Variants in NEO1 observed in about 807,000 individuals in gnomAD.
NEO1 encodes the protein neogenin 1.
In NEO1, 63 loss-of-function variants were observed where a neutral mutation model predicts 159.7. The observed-to-expected ratio is 0.39, with a 90% CI of 0.32 to 0.49. The LOEUF is 0.49. NEO1 is among the 20% of genes least tolerant of loss of function. The probability of loss-of-function intolerance (pLI) is 0.85; values close to 1 mark genes in which losing one functional copy is unlikely to be tolerated. For synonymous variants in NEO1, 633 were observed against 662.0 expected (o/e 0.96, Z 0.67); for missense variants, 1,615 against 1,831.0 (o/e 0.88, Z 2.15).
In NEO1 at chr15:73,283,040, C is replaced by T. The variant is rs754629914; in HGVS notation, c.3339C>T (p.Gly1113=). The T allele has an allele frequency of 5.6e-6, 9 of 1,614,022 alleles. No homozygotes were observed. The highest frequency in any genetic ancestry group is 2.2e-5 in the South Asian group (2 of 91,084). The change falls in exon 23 of 29, where the codon GGC becomes GGT. Residue 1113 remains glycine (G), a synonymous_variant. Transcript: ENST00000261908. Reference sequence around the variant, plus strand: ...TGCTGGTCATAATTGTTTCTGTTGGCGTCATCACCATCGTGGTGGTTGTGA... The same window carrying T: ...TGCTGGTCATAATTGTTTCTGTTGGTGTCATCACCATCGTGGTGGTTGTGA... ...NMLLVIIVSV[G]VITIVVVVII...
At chr15:73,085,138 A>C (rs977593415) in intron 1 of NEO1, among the ~76,000 whole-genome samples, 3 of 152,046 alleles carry the variant, frequency 2.0e-5, no homozygotes, top group African/African-American at 7.2e-5. Flanking sequence ...AGCTTTTTGT[A>C]GTCAAGCCCT....
chr15:73,117,069 T>C (rs940526644), intron 2 of NEO1, among the ~76,000 whole-genome samples: 6 of 152,194 alleles, frequency 3.9e-5, no homozygotes, highest in African/African-American at 1.4e-4. Flanking sequence ...TTTCCACTTG[T>C]CTGATGGCTT....
At chr15:73,228,347 T>C (rs1455423182) in intron 7 of NEO1, among the ~76,000 whole-genome samples, 1 of 152,192 alleles carries the variant, frequency 6.6e-6, no homozygotes, top group Non-Finnish European at 1.5e-5. Flanking sequence ...GTCATTTTCA[T>C]GTGCTTATTC....
In NEO1 at chr15:73,238,934, C is replaced by T. The variant is rs13380322; in HGVS notation, c.1451+2428C>T. On this transcript the variant is annotated intron_variant, in intron 8 of 28. Transcript: ENST00000261908. Reference sequence around the variant, plus strand: ...CACTATATTGGCTCACTGCAGCCTCCGCTTCCCAGGTTCCAGCGATTCTCC... The same window carrying T: ...CACTATATTGGCTCACTGCAGCCTCTGCTTCCCAGGTTCCAGCGATTCTCC... Among the ~76,000 whole-genome samples, 1,316 of 152,162 alleles carry T rather than the reference C, an allele frequency of 8.6e-3. 23 individuals are homozygous for T. Among genetic ancestry groups the T allele is most frequent in the African/African-American group, 0.03 (1,239 of 41,498 alleles).
At chr15:73,058,755 AAGGTT>A (rs2067839519) in intron 1 of NEO1, among the ~76,000 whole-genome samples, 1 of 152,174 alleles carries the variant, frequency 6.6e-6, no homozygotes, top group African/African-American at 2.4e-5. Flanking sequence ...TGTTAACTGA[AAGGTT>A]AAGCTAATTA....
intron 1 of NEO1, among the ~76,000 whole-genome samples, chr15:73,059,900 T>C (rs769593507): frequency 1.3e-5 from 2 of 151,908 alleles, no homozygotes; most frequent in Admixed American, 6.6e-5. Flanking sequence ...ATCTGGAGAT[T>C]GATCATACTG....
intron 7 of NEO1, among the ~76,000 whole-genome samples, chr15:73,224,762 C>T (rs931248874): frequency 6.6e-6 from 1 of 152,112 alleles, no homozygotes; most frequent in Non-Finnish European, 1.5e-5. Context: ...TCTGGTGCCT[C>T]CCTGATTAAC....
intron 22 of NEO1, among the ~76,000 whole-genome samples, chr15:73,279,362 T>TTTTTTTTTTTTTTTTTTGA: frequency 6.9e-6 from 1 of 145,386 alleles, no homozygotes; most frequent in African/African-American, 2.5e-5. Flanking sequence ...TTTTTTTTTT[T>TTTTTTTTTTTTTTTTTTGA]TTTTGAGATG....
chr15:73,184,165 A>AT (rs202239238), intron 7 of NEO1, among the ~76,000 whole-genome samples: 1,667 of 151,960 alleles, frequency 0.011, 20 homozygotes, highest in East Asian at 0.047. Context: ...TAATTAATTA[A>AT]TTTTTTTGAG....
At chr15:73,085,154 C>G (rs2069285899) in intron 1 of NEO1, among the ~76,000 whole-genome samples, 1 of 152,076 alleles carries the variant, frequency 6.6e-6, no homozygotes, top group Non-Finnish European at 1.5e-5. Context: ...GCCCTCCCTC[C>G]ACTCCTAACT....
At chr15:73,275,993 G>A (rs1219514579) in intron 21 of NEO1, among the ~76,000 whole-genome samples, 3 of 152,194 alleles carry the variant, frequency 2.0e-5, no homozygotes, top group Non-Finnish European at 4.4e-5. Context: ...TTGGAAATGT[G>A]TTTGCATTCA....
At chr15:73,062,208 A>G (rs2068012611) in intron 1 of NEO1, among the ~76,000 whole-genome samples, 1 of 152,118 alleles carries the variant, frequency 6.6e-6, no homozygotes, top group Non-Finnish European at 1.5e-5. Context: ...TCTTTTTGCC[A>G]ATTTGATAGA....
At chr15:73,109,001 A>G (rs1215962112) in intron 1 of NEO1, among the ~76,000 whole-genome samples, 2 of 152,140 alleles carry the variant, frequency 1.3e-5, no homozygotes, top group African/African-American at 4.8e-5. Context: ...AGGCCATGGT[A>G]ATGAATTTGG....
chr15:73,097,304 T>A (rs1479464282), intron 1 of NEO1, among the ~76,000 whole-genome samples: 3 of 151,968 alleles, frequency 2.0e-5, no homozygotes, highest in Non-Finnish European at 4.4e-5. Context: ...TCTTTTAATT[T>A]CATTTTTCCA....
chr15:73,147,568 T>A (rs1299608626), intron 5 of NEO1, among the ~76,000 whole-genome samples: 1 of 152,156 alleles, frequency 6.6e-6, no homozygotes, highest in Admixed American at 6.5e-5. Context: ...TCTTCATTCT[T>A]TATTTAAAGA....
At chr15:73,062,174 A>C (rs935306967) in intron 1 of NEO1, among the ~76,000 whole-genome samples, 1 of 152,156 alleles carries the variant, frequency 6.6e-6, no homozygotes. Context: ...TTGCCAACAT[A>C]TTGGTTATTT....
chr15:73,273,450 T>C (rs1318565880), intron 19 of NEO1, among the ~76,000 whole-genome samples: 1 of 152,224 alleles, frequency 6.6e-6, no homozygotes, highest in Admixed American at 6.5e-5. Flanking sequence ...TACATTTTAC[T>C]TTGTCTTTTA....
At chr15:73,160,662 G>A (rs867172072) in intron 5 of NEO1, among the ~76,000 whole-genome samples, 2 of 152,178 alleles carry the variant, frequency 1.3e-5, no homozygotes, top group Middle Eastern at 3.4e-3. Context: ...AAATTTAACC[G>A]TTTATTATAA....
chr15:73,215,922 T>C (rs2037851630), intron 7 of NEO1, among the ~76,000 whole-genome samples: 1 of 152,122 alleles, frequency 6.6e-6, no homozygotes, highest in Non-Finnish European at 1.5e-5. Flanking sequence ...CTGGACATTT[T>C]TTTTGTTGGT....
Sources: allele counts gnomAD v4.1 joint callset (sites outside exome capture counted in the v4.1 genomes callset), GRCh38; gene constraint gnomAD v4.1.1; transcripts MANE v1.5; gene names NCBI Gene and HGNC (gene_info 2026-07-23, HGNC 2026-07-21).